Variants in ANXA11 observed in about 807,000 individuals in gnomAD.
ANXA11 encodes 56 kDa autoantigen.
Under a neutral mutation model 64.7 loss-of-function variants are expected in ANXA11, and 57 were observed. That is an observed-to-expected ratio of 0.88 (90% CI 0.71 to 1.10). ANXA11 has a LOEUF of 1.10. Ranked by LOEUF, ANXA11 falls within the 50% of genes least tolerant of loss-of-function variation. The pLI, the probability that ANXA11 is intolerant of heterozygous loss-of-function variation, is 0.00. For missense variants in ANXA11, 675 were observed against 670.7 expected (o/e 1.01, Z -0.07); for synonymous variants, 260 against 265.2 (o/e 0.98, Z 0.19).
chr10:80,169,173 T>C lies in ANXA11; in HGVS notation c.357A>G (p.Ser119=). The change falls in exon 5 of 16, where the codon TCA becomes TCG. Residue 119 remains serine, a synonymous_variant. Coordinates refer to ENST00000422982, the MANE Select transcript of ANXA11 (RefSeq NM_145868.2). ...CAGGGGCCCCTGGGTATGGCGGATA[T>C]GAGGGCATCCTGGAGGGTGGGTTTC... ...PGGNPPSRMP[S]YPPYPGAPVP... 15 of 1,592,006 alleles carry C rather than the reference T, an allele frequency of 9.4e-6. No individual in the cohort carries two copies. The highest frequency in any genetic ancestry group is 1.3e-5 in the Non-Finnish European group (15 of 1,170,952).
intron 1 of ANXA11, among the ~76,000 whole-genome samples, chr10:80,176,384 A>G (rs1250656667): frequency 1.3e-5 from 2 of 152,208 alleles, no homozygotes; most frequent in African/African-American, 4.8e-5. Context: ...ACCCAGAAAC[A>G]TACAAACTAA....
intron 8 of ANXA11, 42 bp downstream of exon 8, chr10:80,166,034 ACACGCGCG>A (rs1845709655): frequency 8.3e-6 from 8 of 960,248 alleles, no homozygotes; most frequent in Middle Eastern, 2.2e-4. Context: ...GCGTGCGCAC[ACACGCGCG>A]CACACACACA....
intron 1 of ANXA11, among the ~76,000 whole-genome samples, chr10:80,177,604 C>A (rs751390734): frequency 6.6e-6 from 1 of 152,116 alleles, no homozygotes; most frequent in Non-Finnish European, 1.5e-5. Context: ...ACGAAAGGGA[C>A]AACGAGGGAC....
At chr10:80,161,027 C>A (rs1410821039) in intron 12 of ANXA11, among the ~76,000 whole-genome samples, 4 of 152,326 alleles carry the variant, frequency 2.6e-5, no homozygotes, top group East Asian at 3.9e-4. Context: ...AGCCTCCCGA[C>A]AGGCTTCGCT....
chr10:80,194,856 A>C (rs1047732976), intron 1 of ANXA11, among the ~76,000 whole-genome samples: 22 of 152,178 alleles, frequency 1.4e-4, no homozygotes, highest in African/African-American at 5.1e-4. Context: ...GCATGGTGAC[A>C]CTCGGCTAGG....
At chr10:80,203,374 A>T (rs1036429335) in intron 1 of ANXA11, among the ~76,000 whole-genome samples, 1 of 152,086 alleles carries the variant, frequency 6.6e-6, no homozygotes. Context: ...TATCATGCAT[A>T]AAGGCGTCAG....
At position 80,158,036 on chromosome 10, in the gene ANXA11, G is replaced by C; in HGVS notation, c.1277-11C>G. ...TCTTGAGACATTTCACTAGAAGAGA[G>C]AAACTCGGCATAACCAGATCTGCAG... On this transcript the variant is annotated splice_polypyrimidine_tract_variant and intron_variant, in intron 13 of 15. Coordinates refer to ENST00000422982, the MANE Select transcript of ANXA11 (RefSeq NM_145868.2). 6.2e-7 allele frequency: 1 copy of C among 1,613,918 alleles called. No homozygotes were observed.
chr10:80,179,783 C>T (rs1305756423), intron 1 of ANXA11, among the ~76,000 whole-genome samples: 1 of 152,214 alleles, frequency 6.6e-6, no homozygotes, highest in Non-Finnish European at 1.5e-5. Flanking sequence ...AATTAAAATG[C>T]TATACAAACT....
chr10:80,157,160 C>T lies in ANXA11; in HGVS notation c.1458+481G>A, dbSNP rs116573730. On this transcript the variant is annotated intron_variant, in intron 15 of 15. Coordinates refer to ENST00000422982, the MANE Select transcript of ANXA11 (RefSeq NM_145868.2). ...GGGGTTCAGGGAGATTTAAGGGAGCCATTCAAGGTCACACAGTTAGCAAGT... is the reference window on the plus strand; with the variant it reads ...GGGGTTCAGGGAGATTTAAGGGAGCTATTCAAGGTCACACAGTTAGCAAGT... 6,883 of 972,860 alleles carry T rather than the reference C, an allele frequency of 7.1e-3. 400 individuals are homozygous for T. The African/African-American group carries it at 0.11, about 16-fold the overall frequency. 60.3% of individuals were successfully genotyped at this position (972,860 alleles called of 1,614,324 possible). A position where few individuals can be genotyped will look rare whatever the true frequency, so the allele number is the denominator to read the frequency against.
upstream of ANXA11, among the ~76,000 whole-genome samples, chr10:80,205,723 G>T (rs117996806): frequency 3.3e-3 from 502 of 152,252 alleles, no homozygotes; most frequent in Non-Finnish European, 5.4e-3. Context: ...CCCCTGCGGC[G>T]CCCAGTGCCG....
chr10:80,162,756 G>T (rs930871121), intron 11 of ANXA11, among the ~76,000 whole-genome samples: 2 of 152,244 alleles, frequency 1.3e-5, no homozygotes, highest in African/African-American at 2.4e-5. Context: ...GCAGTGAAGG[G>T]AGACAGAGAG....
chr10:80,196,654 G>T (rs1035172905), intron 1 of ANXA11, among the ~76,000 whole-genome samples: 3 of 152,128 alleles, frequency 2.0e-5, no homozygotes, highest in African/African-American at 7.2e-5. Context: ...GCCCTTGCTG[G>T]TCACAGGTGC....
At chr10:80,174,140 G>A (rs1846080650) in intron 2 of ANXA11, among the ~76,000 whole-genome samples, 1 of 151,746 alleles carries the variant, frequency 6.6e-6, no homozygotes, top group Non-Finnish European at 1.5e-5. Context: ...CTGCAGCCTG[G>A]ACCTCCTGGG....
At chr10:80,189,878 T>C (rs569632697) in intron 1 of ANXA11, among the ~76,000 whole-genome samples, 2 of 152,294 alleles carry the variant, frequency 1.3e-5, no homozygotes, top group African/African-American at 2.4e-5. Flanking sequence ...TGCCCATTGA[T>C]GGATGAATGG....
chr10:80,170,485 A>G (rs998705550), intron 4 of ANXA11, among the ~76,000 whole-genome samples: 3 of 152,210 alleles, frequency 2.0e-5, no homozygotes, highest in Non-Finnish European at 4.4e-5. Flanking sequence ...ACTCATACAT[A>G]GCACGTGCAT....
At chr10:80,203,948 C>T (rs1214447208) in intron 1 of ANXA11, among the ~76,000 whole-genome samples, 1 of 152,212 alleles carries the variant, frequency 6.6e-6, no homozygotes, top group Non-Finnish European at 1.5e-5. Context: ...ATGACCCAGG[C>T]CTGCCTCACA....
chr10:80,191,091 G>T (rs1846755597), intron 1 of ANXA11, among the ~76,000 whole-genome samples: 3 of 152,018 alleles, frequency 2.0e-5, no homozygotes, highest in Admixed American at 6.5e-5. Flanking sequence ...TGGGTGTGGT[G>T]GCATGCACCT....
At chr10:80,198,178 A>C (rs1840258196) in intron 1 of ANXA11, among the ~76,000 whole-genome samples, 1 of 152,220 alleles carries the variant, frequency 6.6e-6, no homozygotes, top group Non-Finnish European at 1.5e-5. Context: ...AACCATTCCC[A>C]CTTCCTAACC....
Position 80,169,136 on chromosome 10 carries a change from G to C in ANXA11, c.394C>G (p.Pro132Ala). 1 of 1,550,814 alleles carries C rather than the reference G, an allele frequency of 6.4e-7. No homozygotes were observed. The highest frequency in any genetic ancestry group is 8.7e-7 in the Non-Finnish European group (1 of 1,153,800). The change falls in exon 5 of 16, where the codon CCC (proline) becomes GCC (alanine). Residue 132 changes from proline (P) to alanine (A), a missense_variant. By Grantham distance (27) the Pro-to-Ala change is conservative. Transcript: ENST00000422982. ...PYPGAPVPGQ[P>A]MPPPGQQPPG... The stretch of plus-strand genomic sequence containing the variant: ...GGCTGCTGTCCGGGGGGTGGCATGG[G>C]CTGGCCCGGCACAGGGGCCCCTGGG...
Sources: allele counts gnomAD v4.1 joint callset (sites outside exome capture counted in the v4.1 genomes callset), GRCh38; gene constraint gnomAD v4.1.1; transcripts MANE v1.5; gene names NCBI Gene and HGNC (gene_info 2026-07-23, HGNC 2026-07-21).